Variants in RBFOX3 observed in about 807,000 individuals in gnomAD.
RBFOX3 encodes RNA binding fox-1 homolog 3, also known as RNA binding protein fox-1 homolog 3.
Under a neutral mutation model 48.7 loss-of-function variants are expected in RBFOX3, and 17 were observed. That is an observed-to-expected ratio of 0.35 (90% CI 0.24 to 0.52). The LOEUF is 0.52. Ranked by LOEUF, RBFOX3 falls within the 20% of genes least tolerant of loss-of-function variation. The probability of loss-of-function intolerance (pLI) is 0.94; values close to 1 mark genes in which losing one functional copy is unlikely to be tolerated. For missense variants in RBFOX3, 382 were observed against 497.5 expected (o/e 0.77, Z 2.21); for synonymous variants, 212 against 209.5 (o/e 1.01, Z -0.10).
chr17:79,538,573 G>T (rs950308730), intron 1 of RBFOX3, among the ~76,000 whole-genome samples: 13 of 152,254 alleles, frequency 8.5e-5, no homozygotes, highest in African/African-American at 3.1e-4. Context: ...GTAAAGGCGG[G>T]TGGGCTTTGA....
intron 4 of RBFOX3, among the ~76,000 whole-genome samples, chr17:79,154,410 T>C (rs919678139): frequency 1.3e-5 from 2 of 152,194 alleles, no homozygotes; most frequent in African/African-American, 4.8e-5. Context: ...CATCTCTCTT[T>C]CTCTGCTGCA....
At chr17:79,091,995 C>T (rs2146106505) in intron 14 of RBFOX3, 4 of 985,460 alleles carry the variant, frequency 4.1e-6, no homozygotes, top group South Asian at 4.7e-5. Flanking sequence ...CTGAATGGGG[C>T]GAGGAGGGGC....
chr17:79,336,846 G>A (rs531644792), intron 2 of RBFOX3, among the ~76,000 whole-genome samples: 2 of 152,342 alleles, frequency 1.3e-5, no homozygotes, highest in African/African-American at 4.8e-5. Context: ...TGGGCCGGGT[G>A]AGGTGGCTCA....
At chr17:79,657,346 A>G in the RBFOX3 span, among the ~76,000 whole-genome samples, 1 of 152,086 alleles carries the variant, frequency 6.6e-6, no homozygotes. Context: ...CCAGCCACAC[A>G]CATCAACTCT....
chr17:79,613,830 C>T (rs2093983895), upstream of RBFOX3, among the ~76,000 whole-genome samples: 1 of 152,124 alleles, frequency 6.6e-6, no homozygotes, highest in Non-Finnish European at 1.5e-5. Flanking sequence ...CAAAACTAGC[C>T]AGGTGTGGTT....
intron 2 of RBFOX3, among the ~76,000 whole-genome samples, chr17:79,387,766 G>A (rs552641217): frequency 6.6e-6 from 1 of 152,338 alleles, no homozygotes; most frequent in East Asian, 1.9e-4. Context: ...CCACACTGCA[G>A]GGGGCCTGGG....
chr17:79,601,937 G>A (rs1201416153), intron 1 of RBFOX3: 8 of 152,148 alleles, frequency 5.3e-5, no homozygotes, highest in Non-Finnish European at 1.0e-4. Context: ...TGCTGCCGAC[G>A]CACACACACA....
chr17:79,130,387 A>G (rs2143148696), intron 4 of RBFOX3, among the ~76,000 whole-genome samples: 1 of 152,302 alleles, frequency 6.6e-6, no homozygotes, highest in Middle Eastern at 3.4e-3. Context: ...CGAGGCCCAC[A>G]GTCACTTCGC....
chr17:79,108,766 A>T (rs1465236172), intron 5 of RBFOX3, among the ~76,000 whole-genome samples: 1 of 152,236 alleles, frequency 6.6e-6, no homozygotes, highest in Non-Finnish European at 1.5e-5. Context: ...CCGCTAGGTG[A>T]CCAGAGGGGA....
At chr17:79,194,831 T>TAA (rs1440019986) in intron 4 of RBFOX3, among the ~76,000 whole-genome samples, 2 of 151,198 alleles carry the variant, frequency 1.3e-5, no homozygotes, top group Non-Finnish European at 2.9e-5. Context: ...AGTGAAAAAA[T>TAA]AGTTTGTATC....
Position 79,420,001 on chromosome 17 carries a change from C to A in RBFOX3, c.-175+62453G>T, listed in dbSNP as rs367874943. Among the ~76,000 whole-genome samples the A allele has an allele frequency of 3.3e-5, 5 of 152,288 alleles. No individual in the cohort carries two copies. The East Asian group carries it at 9.7e-4, about 29-fold the overall frequency. On this transcript the variant is annotated intron_variant, in intron 2 of 14. Coordinates refer to ENST00000693108, the MANE Select transcript of RBFOX3 (RefSeq NM_001350451.2). Reference sequence around the variant, plus strand: ...AATTAGCCAGGCATGGCGGCGTGTTCCTGTAATCCCAGCTACTCAGGAGGC... The same window carrying A: ...AATTAGCCAGGCATGGCGGCGTGTTACTGTAATCCCAGCTACTCAGGAGGC...
chr17:79,311,374 A>T lies in RBFOX3; in HGVS notation c.-174-3550T>A, dbSNP rs2076827606. The stretch of plus-strand genomic sequence containing the variant: ...CTCGAACCTGGGAGGCAGAGGTTGC[A>T]GTGAGCCAAGATCACACCATTGCAC... On this transcript the variant is annotated intron_variant, in intron 2 of 14. Coordinates refer to ENST00000693108, the MANE Select transcript of RBFOX3 (RefSeq NM_001350451.2). The surrounding 1 kb of genome is among the most constrained non-coding windows in gnomAD (Gnocchi z 4.2). Among the ~76,000 whole-genome samples the T allele has an allele frequency of 6.7e-6, 1 of 148,578 alleles. No individual in the cohort carries two copies.
chr17:79,248,242 T>G lies in RBFOX3; in HGVS notation c.-73-12437A>C, dbSNP rs540008255. Among the ~76,000 whole-genome samples, 335 of 150,230 alleles carry G rather than the reference T, an allele frequency of 2.2e-3. 2 individuals carry two copies. Among genetic ancestry groups the G allele is most frequent in the African/African-American group, 7.6e-3 (312 of 41,276 alleles). On this transcript the variant is annotated intron_variant, in intron 3 of 14. Transcript: ENST00000693108. Reference sequence around the variant, plus strand: ...GTGGCTTTGTTTTGTGTGTGTGTGTTTTTTTTTTGGAGATGGAGTCTTGCT... The same window carrying G: ...GTGGCTTTGTTTTGTGTGTGTGTGTGTTTTTTTTGGAGATGGAGTCTTGCT...
chr17:79,610,271 G>A (rs2093941669), intron 1 of RBFOX3, among the ~76,000 whole-genome samples: 1 of 151,922 alleles, frequency 6.6e-6, no homozygotes, highest in South Asian at 2.1e-4. Flanking sequence ...GGCTCTCTCC[G>A]GGCCTGGGTG....
At chr17:79,098,211 C>G (rs2072779982) in intron 9 of RBFOX3, 1 of 161,558 alleles carries the variant, frequency 6.2e-6, no homozygotes, top group Non-Finnish European at 1.4e-5. Flanking sequence ...TGCCCATAAG[C>G]TCTCCCCACT....
At chr17:79,389,083 G>C (rs2060979144) in intron 2 of RBFOX3, among the ~76,000 whole-genome samples, 1 of 150,242 alleles carries the variant, frequency 6.7e-6, no homozygotes, top group Non-Finnish European at 1.5e-5. Flanking sequence ...GAGACGGAGG[G>C]ACGAAGCGGT....
chr17:79,331,538 G>A (rs1301495137), intron 2 of RBFOX3, among the ~76,000 whole-genome samples: 3 of 152,166 alleles, frequency 2.0e-5, no homozygotes, highest in Non-Finnish European at 4.4e-5. Context: ...TGTCCTGCCC[G>A]TGGCTCCAGC....
intron 1 of RBFOX3, among the ~76,000 whole-genome samples, chr17:79,530,705 T>A (rs1193048753): frequency 6.6e-5 from 10 of 152,118 alleles, no homozygotes; most frequent in Non-Finnish European, 4.4e-5. Flanking sequence ...GCAATAGGGC[T>A]GCAGAAACCA....
At chr17:79,222,449 T>C (rs575538645) in intron 4 of RBFOX3, among the ~76,000 whole-genome samples, 3 of 152,296 alleles carry the variant, frequency 2.0e-5, no homozygotes, top group Admixed American at 1.3e-4. Flanking sequence ...CCAGGGCTGT[T>C]TGGGGAAGCT....
Sources: gnomAD v4.1 joint callset for allele counts (sites outside exome capture counted in the v4.1 genomes callset) on GRCh38, gnomAD v4.1.1 for gene constraint, Gnocchi (gnomAD v3.1) non-coding constraint, MANE v1.5 for transcripts, NCBI Gene and HGNC (gene_info 2026-07-23, HGNC 2026-07-21) for gene names.